The following PLEKHH1 variants were observed in gnomAD, a reference collection of about 807,000 sequenced individuals.
PLEKHH1 encodes the protein pleckstrin homology, MyTH4 and FERM domain containing H1, also known as pleckstrin homology domain-containing family H member 1.
Under a neutral mutation model 160.0 loss-of-function variants are expected in PLEKHH1, and 104 were observed. The ratio of observed to expected loss-of-function variants is 0.65; its 90% CI spans 0.55 to 0.76. The LOEUF (loss-of-function observed/expected upper bound fraction) is 0.76, where lower values mean the gene tolerates loss of function less well. Ranked by LOEUF, PLEKHH1 falls within the 30% of genes least tolerant of loss-of-function variation. The pLI is 0.00. For synonymous variants in PLEKHH1, 619 were observed against 678.4 expected (o/e 0.91, Z 1.36); for missense variants, 1,427 against 1,724.1 (o/e 0.83, Z 3.05).
chr14:67,585,744 G>A, intron 27 of PLEKHH1, 90 bp downstream of exon 27: 6 of 1,118,958 alleles, frequency 5.4e-6, no homozygotes, highest in East Asian at 2.5e-5. Flanking sequence ...CCTGAACCAA[G>A]TGACCATGGC....
rs567827304 is a variant in PLEKHH1, at chr14:67,569,166, C to G, written c.1292C>G (p.Ser431Trp). 3 of 1,612,668 alleles carry G rather than the reference C, an allele frequency of 1.9e-6. No homozygotes were observed. The East Asian group carries it at 6.7e-5, about 36-fold the overall frequency. The change falls in exon 8 of 29, where the codon TCG (serine) becomes TGG (tryptophan). Residue 431 changes from serine (S) to tryptophan (W), a missense_variant. Physicochemically the swap from Ser to Trp is radical, Grantham distance 177 (BLOSUM62 -3). This residue lies in a region of PLEKHH1 where 831 missense variants were observed against 929.2 expected (regional missense o/e 0.89). Coordinates refer to ENST00000329153, the MANE Select transcript of PLEKHH1 (RefSeq NM_020715.3). The part of the protein sequence containing the change: ...WESRIYAVAT[S>W]GMRLSDMSPR... ...AGCCGGATCTATGCTGTGGCCACAT[C>G]GGGCATGCGGCTCTCAGATATGTCT... is the stretch of plus-strand genomic sequence containing the variant.
In PLEKHH1 at chr14:67,578,844, CG is replaced by C. The variant is rs1190113044; in HGVS notation, c.2849+215del. Among the ~76,000 whole-genome samples the C allele has an allele frequency of 6.6e-6, 1 of 152,210 alleles. No individual in the cohort carries two copies. Among genetic ancestry groups the C allele is most frequent in the Non-Finnish European group, 1.5e-5 (1 of 68,040 alleles). On this transcript the variant is annotated intron_variant, in intron 20 of 28. Transcript: ENST00000329153. This position sits in a 1 kb window ranked among gnomAD's most constrained non-coding sequence, Gnocchi z 5.0. ...CTCTGCACGCCAATCCATGTATCCA[CG>C]GATGTACTGTGGCAACTCTCACATG...
At chr14:67,581,187 G>A (rs557567482) in intron 23 of PLEKHH1, 149 bp downstream of exon 23, 9 of 619,076 alleles carry the variant, frequency 1.5e-5, no homozygotes, top group African/African-American at 3.7e-5. Context: ...GGGTGCAGGC[G>A]GGCTCTGCTG....
Position 67,587,590 on chromosome 14 carries a change from T to G in PLEKHH1, c.*355T>G. On this transcript the variant is annotated 3_prime_UTR_variant, in exon 29 of 29. Coordinates refer to ENST00000329153, the MANE Select transcript of PLEKHH1 (RefSeq NM_020715.3). ...CTGGTACTCTCAAGGAAGCTAATTT[T>G]CTTTCTGGGGGGGGCGGGGGACACA... 3.6e-6 allele frequency: 1 copy of G among 274,428 alleles called. No individual in the cohort carries two copies. The highest frequency in any genetic ancestry group is 7.1e-6 in the Non-Finnish European group (1 of 140,700). The allele number at this position is 274,428 out of a possible 1,614,324, so 17.0% of individuals were successfully genotyped here.
rs771815619 is a variant in PLEKHH1, at chr14:67,571,845, C to T, written c.1528C>T (p.Pro510Ser). 7 of 1,613,838 alleles carry T rather than the reference C, an allele frequency of 4.3e-6. No homozygotes were observed. The highest frequency in any genetic ancestry group is 5.9e-6 in the Non-Finnish European group (7 of 1,179,814). Residue 510 changes from proline (P) to serine (S), a missense_variant, in exon 10 of 29, where the codon CCC becomes TCC. Around this residue, in one of 6 missense-constraint regions of PLEKHH1, gnomAD observed 831 missense variants for 929.2 expected, o/e 0.89. Coordinates refer to ENST00000329153, the MANE Select transcript of PLEKHH1 (RefSeq NM_020715.3). ...SSQASFRISV[P>S]SSESRKTSGL... ...TCAGGCGAGTTTCCGAATCTCGGTCCCCTCCTCTGAGTCCAGGAAGACCAG... is the reference window on the plus strand; with the variant it reads ...TCAGGCGAGTTTCCGAATCTCGGTCTCCTCCTCTGAGTCCAGGAAGACCAG...
Position 67,540,730 on chromosome 14 carries a change from T to C in PLEKHH1, c.-34-1104T>C, listed in dbSNP as rs116981544. ...CATGGTTTGGGACAGACCAAATTTA[T>C]ACTTTTTGGGAAGCATCATTCATCA... On this transcript the variant is annotated intron_variant, in intron 1 of 28. Transcript: ENST00000329153. Among the ~76,000 whole-genome samples the C allele has an allele frequency of 1.2e-3, 177 of 152,344 alleles. No individual in the cohort carries two copies. In the East Asian group the frequency reaches 0.024, roughly 21 times the overall value.
In PLEKHH1 at chr14:67,573,289, A is replaced by G. The variant is rs750071995; in HGVS notation, c.1742A>G (p.Lys581Arg). The G allele has an allele frequency of 1.3e-5, 21 of 1,611,726 alleles. No homozygotes were observed. The highest frequency in any genetic ancestry group is 3.3e-5 in the Admixed American group (2 of 60,010). Residue 581 changes from lysine to arginine, a missense_variant, in exon 12 of 29, where the codon AAG becomes AGG. Lys to Arg is a conservative substitution (Grantham distance 26). Coordinates refer to ENST00000329153, the MANE Select transcript of PLEKHH1 (RefSeq NM_020715.3). This position sits in a 1 kb window ranked among gnomAD's most constrained non-coding sequence, Gnocchi z 4.8. ...TCCACCCCTCAGGAGTCACTGGAGA[A>G]GTCGGGCTACCTGCTGAAAATGGGG... is the stretch of plus-strand genomic sequence containing the variant. ...GLGLGGESLE[K>R]SGYLLKMGSQ... is the part of the protein sequence containing the mutation.
At position 67,586,023 on chromosome 14, in the gene PLEKHH1, A is replaced by G. The variant is rs1744923682; in HGVS notation, c.3859A>G (p.Ile1287Val). Residue 1287 changes from isoleucine (I) to valine (V), a missense_variant, in exon 28 of 29, where the codon ATT becomes GTT. Coordinates refer to ENST00000329153, the MANE Select transcript of PLEKHH1 (RefSeq NM_020715.3). ...CTGCAGGGATGACTTCATGCTTGTG[A>G]TTAGATCTATCCCAGACAAGAGCTC... ...GGCRDDFMLV[I>V]RSIPDKSSGK... The G allele has an allele frequency of 6.2e-7, 1 of 1,613,874 alleles. No individual in the cohort carries two copies.
chr14:67,545,655 G>A (rs2034147026), intron 2 of PLEKHH1, among the ~76,000 whole-genome samples: 1 of 152,156 alleles, frequency 6.6e-6, no homozygotes, highest in South Asian at 2.1e-4. Context: ...CATTCTAAAT[G>A]TCCATCAACA....
At chr14:67,535,618 A>G (rs1011920408) in intron 1 of PLEKHH1, among the ~76,000 whole-genome samples, 2 of 152,010 alleles carry the variant, frequency 1.3e-5, no homozygotes, top group Non-Finnish European at 2.9e-5. Context: ...GACCTCAGGT[A>G]AGCCGCCTGC....
At chr14:67,572,517 A>G (rs917061263) in intron 11 of PLEKHH1, among the ~76,000 whole-genome samples, 1 of 152,170 alleles carries the variant, frequency 6.6e-6, no homozygotes, top group Admixed American at 6.5e-5. Flanking sequence ...CCAGTTACTG[A>G]GAGCCTACTG....
At chr14:67,553,255 G>A (rs956487903) in intron 2 of PLEKHH1, among the ~76,000 whole-genome samples, 9 of 152,190 alleles carry the variant, frequency 5.9e-5, no homozygotes, top group African/African-American at 2.2e-4. Context: ...CAGTAGTCCT[G>A]CTGAAGTGCA....
chr14:67,553,500 C>G (rs1157693025), intron 2 of PLEKHH1, among the ~76,000 whole-genome samples: 1 of 152,148 alleles, frequency 6.6e-6, no homozygotes, highest in Non-Finnish European at 1.5e-5. Context: ...GAGGTTTGTG[C>G]ACCTTCTCCA....
chr14:67,579,242 G>C lies in PLEKHH1; in HGVS notation c.2958G>C (p.Leu986=), dbSNP rs1190460091. The C allele has an allele frequency of 9.9e-6, 16 of 1,608,634 alleles. No individual in the cohort carries two copies. In the African/African-American group the frequency reaches 1.2e-4, roughly 12 times the overall value. ...CGCGCATGGAAGTGGTGTCCATCCTGCTGCGTAACCCCTTCCACCACTCCT... is the reference window on the plus strand; with the variant it reads ...CGCGCATGGAAGTGGTGTCCATCCTCCTGCGTAACCCCTTCCACCACTCCT... ...RPSRMEVVSI[L]LRNPFHHSLP... is the part of the protein sequence containing the mutation. The change falls in exon 21 of 29, where the codon CTG becomes CTC. Residue 986 remains leucine (L), a synonymous_variant. Coordinates refer to ENST00000329153, the MANE Select transcript of PLEKHH1 (RefSeq NM_020715.3).
chr14:67,574,547 C>A lies in PLEKHH1; in HGVS notation c.2088+144C>A. The stretch of plus-strand genomic sequence containing the variant: ...CCTCACAGTGACTCGCTGGCCAGCC[C>A]TCAAACGTGGTCTGGCCACACAAGG... On this transcript the variant is annotated intron_variant, in intron 14 of 28. Transcript: ENST00000329153. This position sits in a 1 kb window ranked among gnomAD's most constrained non-coding sequence, Gnocchi z 4.2. The A allele has an allele frequency of 1.6e-6, 1 of 618,496 alleles. No individual in the cohort carries two copies. Among genetic ancestry groups the A allele is most frequent in the Non-Finnish European group, 2.6e-6 (1 of 387,388 alleles). The allele number at this position is 618,496 out of a possible 1,614,324, so 38.3% of individuals were successfully genotyped here. A position where few individuals can be genotyped will look rare whatever the true frequency, so the allele number is the denominator to read the frequency against.
intron 28 of PLEKHH1, 151 bp downstream of exon 28, chr14:67,586,248 AG>A: frequency 8.9e-7 from 1 of 1,124,094 alleles, no homozygotes; most frequent in Non-Finnish European, 1.3e-6. Context: ...CCAAAGGTTC[AG>A]GTGGTGTTGC....
chr14:67,564,811 C>T (rs1278401900), intron 7 of PLEKHH1, among the ~76,000 whole-genome samples: 2 of 148,884 alleles, frequency 1.3e-5, no homozygotes, highest in Non-Finnish European at 3.0e-5. Context: ...ACCTCAGCCT[C>T]CCGAGTAGCT....
intron 11 of PLEKHH1, 21 bp downstream of exon 11, chr14:67,572,298 G>C (rs748573800): frequency 6.4e-7 from 1 of 1,569,750 alleles, no homozygotes; most frequent in Non-Finnish European, 8.6e-7. Context: ...AAACGGGCGG[G>C]GGCAGGGTGG....
chr14:67,533,594 G>C (rs1411037516), intron 1 of PLEKHH1, 196 bp downstream of exon 1: 1 of 152,148 alleles, frequency 6.6e-6, no homozygotes, highest in Non-Finnish European at 1.5e-5. Context: ...CGCCCCAGGG[G>C]ACTCGCGCCG....
Sources: allele counts gnomAD v4.1 joint callset (sites outside exome capture counted in the v4.1 genomes callset), GRCh38; gene constraint gnomAD v4.1.1; regional missense constraint gnomAD v4.1.1; non-coding constraint Gnocchi (gnomAD v3.1); transcripts MANE v1.5; gene names NCBI Gene and HGNC (gene_info 2026-07-23, HGNC 2026-07-21).